HLCS: variants seen among roughly 807,000 people sequenced by gnomAD.
The protein encoded by HLCS is holocarboxylase synthetase, also known as biotin--protein ligase.
A neutral mutation model predicts 75.0 loss-of-function variants in HLCS; 53 were observed. The ratio of observed to expected loss-of-function variants is 0.71; its 90% CI spans 0.57 to 0.89. The LOEUF (loss-of-function observed/expected upper bound fraction) is 0.89. Among genes scored for constraint, HLCS ranks in the 40% least tolerant of loss-of-function variants. The pLI, the probability that HLCS is intolerant of heterozygous loss-of-function variation, is 0.00. For missense variants in HLCS, 966 were observed against 1,074.0 expected (o/e 0.90, Z 1.41); for synonymous variants, 431 against 428.6 (o/e 1.01, Z -0.07).
chr21:36,823,931 G>A (rs1012595675), intron 6 of HLCS, among the ~76,000 whole-genome samples: 2 of 152,098 alleles, frequency 1.3e-5, no homozygotes, highest in African/African-American at 2.4e-5. Flanking sequence ...ACAGAGCACT[G>A]ATGCCATGTT....
chr21:36,947,068 A>T (rs537424211), intron 2 of HLCS, among the ~76,000 whole-genome samples: 1 of 152,266 alleles, frequency 6.6e-6, no homozygotes, highest in Non-Finnish European at 1.5e-5. Flanking sequence ...TAAAGGCACC[A>T]TTGTCCTCAG....
intron 6 of HLCS, among the ~76,000 whole-genome samples, chr21:36,865,158 C>G (rs8130485): frequency 0.29 from 43,791 of 151,514 alleles, 7,573 homozygotes; most frequent in African/African-American, 0.49. Context: ...CAGGCTGATA[C>G]CCCCACCACT....
chr21:36,759,283 G>T, intron 9 of HLCS: 1 of 455,582 alleles, frequency 2.2e-6, no homozygotes, highest in Non-Finnish European at 4.5e-6. Flanking sequence ...TCTTTACCCC[G>T]CCTTGACCAG....
At chr21:36,814,474 G>C (rs2061602611) in intron 6 of HLCS, among the ~76,000 whole-genome samples, 1 of 152,164 alleles carries the variant, frequency 6.6e-6, no homozygotes, top group Non-Finnish European at 1.5e-5. Context: ...GCTATCTGTT[G>C]TTTATCTGAA....
chr21:36,848,264 A>C (rs2062864352), intron 6 of HLCS, among the ~76,000 whole-genome samples: 1 of 146,354 alleles, frequency 6.8e-6, no homozygotes, highest in East Asian at 1.9e-4. Context: ...TTGCCCACAT[A>C]ATTGTTGTTT....
chr21:36,978,267 G>A (rs946241521), intron 1 of HLCS, among the ~76,000 whole-genome samples: 3 of 152,216 alleles, frequency 2.0e-5, no homozygotes, highest in South Asian at 2.1e-4. Flanking sequence ...AGATCAAGGC[G>A]GGTGGATCAC....
At chr21:36,769,372 A>G (rs2090151341) in intron 6 of HLCS, among the ~76,000 whole-genome samples, 2 of 152,234 alleles carry the variant, frequency 1.3e-5, no homozygotes, top group South Asian at 4.1e-4. Context: ...ACAAAGCAGC[A>G]TTTATAAACC....
At chr21:36,970,496 G>A (rs2068754638), upstream of HLCS, among the ~76,000 whole-genome samples, 1 of 152,052 alleles carries the variant, frequency 6.6e-6, no homozygotes, top group Non-Finnish European at 1.5e-5. Context: ...GCCTCCCAAA[G>A]TTGTGGGATT....
intron 5 of HLCS, among the ~76,000 whole-genome samples, chr21:36,916,294 T>C (rs777089536): frequency 2.0e-5 from 3 of 152,128 alleles, no homozygotes; most frequent in Non-Finnish European, 4.4e-5. Flanking sequence ...TTGTTGAGTA[T>C]AAAAGATCAA....
At chr21:36,855,786 C>A (rs886223273) in intron 6 of HLCS, among the ~76,000 whole-genome samples, 1 of 151,964 alleles carries the variant, frequency 6.6e-6, no homozygotes, top group Non-Finnish European at 1.5e-5. Context: ...CTGTGTTTCC[C>A]AGGCTGGTCT....
At chr21:36,868,072 A>G (rs1473085097) in intron 6 of HLCS, among the ~76,000 whole-genome samples, 1 of 151,868 alleles carries the variant, frequency 6.6e-6, no homozygotes. Context: ...AATCGTTTGA[A>G]TGGGGAGGCA....
intron 2 of HLCS, among the ~76,000 whole-genome samples, chr21:36,956,444 G>T (rs2067950132): frequency 6.6e-6 from 1 of 152,196 alleles, no homozygotes; most frequent in Non-Finnish European, 1.5e-5. Flanking sequence ...ATTTGAGTTT[G>T]TAGGCCAGGT....
chr21:36,945,398 C>T (rs1387359099), intron 2 of HLCS, among the ~76,000 whole-genome samples: 1 of 151,990 alleles, frequency 6.6e-6, no homozygotes, highest in African/African-American at 2.4e-5. Flanking sequence ...AAGGTAGAAA[C>T]AACCCAAATG....
chr21:36,928,321 C>A (rs562213526), intron 5 of HLCS, among the ~76,000 whole-genome samples: 2 of 152,332 alleles, frequency 1.3e-5, no homozygotes, highest in Admixed American at 1.3e-4. Context: ...GTAATCCCAA[C>A]ACTTTGGAAA....
chr21:36,839,723 A>C (rs201090453), intron 6 of HLCS, among the ~76,000 whole-genome samples: 1 of 74,586 alleles, frequency 1.3e-5, no homozygotes, highest in Non-Finnish European at 3.1e-5. Context: ...TCCTACACAC[A>C]TGTTTCTGAA....
chr21:36,764,345 C>T (rs139611010), intron 8 of HLCS, among the ~76,000 whole-genome samples: 72 of 152,264 alleles, frequency 4.7e-4, no homozygotes, highest in Non-Finnish European at 7.9e-4. Context: ...TGCAGTGAGC[C>T]GAGATGGCGC....
rs934142020 is a variant in HLCS, at chr21:36,757,583, GA to G, written c.2237-829del. Among the ~76,000 whole-genome samples the G allele has an allele frequency of 6.6e-5, 10 of 152,058 alleles. 1 individual carries two copies. The highest frequency in any genetic ancestry group is 3.3e-4 in the Admixed American group (5 of 15,260). ...ACTACCATGTTTTCAGTGACTTTAA[GA>G]AAAAAAATCCCCAAAACATTCGCCA... On this transcript the variant is annotated intron_variant, in intron 9 of 10. Coordinates refer to ENST00000674895, the MANE Select transcript of HLCS (RefSeq NM_001352514.2).
At chr21:36,861,618 C>A (rs1220408306) in intron 6 of HLCS, among the ~76,000 whole-genome samples, 1 of 152,128 alleles carries the variant, frequency 6.6e-6, no homozygotes, top group Non-Finnish European at 1.5e-5. Flanking sequence ...TTATTTAGCT[C>A]CCACTTGTAA....
At chr21:36,901,683 C>G (rs1037596925) in intron 5 of HLCS, among the ~76,000 whole-genome samples, 3 of 152,174 alleles carry the variant, frequency 2.0e-5, no homozygotes, top group African/African-American at 7.2e-5. Flanking sequence ...ATGGCGTTCT[C>G]CTCTTTAAGT....
Sources: allele counts gnomAD v4.1 joint callset (sites outside exome capture counted in the v4.1 genomes callset), GRCh38; gene constraint gnomAD v4.1.1; transcripts MANE v1.5; gene names NCBI Gene and HGNC (gene_info 2026-07-23, HGNC 2026-07-21).